Variants in NOX4 observed in about 807,000 individuals in gnomAD.
NOX4 encodes NADPH oxidase 4.
Under a neutral mutation model 87.6 loss-of-function variants are expected in NOX4, and 69 were observed. That is an observed-to-expected ratio of 0.79 (90% CI 0.65 to 0.96). NOX4 has a LOEUF of 0.96. NOX4 is among the 40% of genes least tolerant of loss of function. The probability of loss-of-function intolerance (pLI) is 0.00; values close to 1 mark genes in which losing one functional copy is unlikely to be tolerated. For missense variants in NOX4, 680 were observed against 681.5 expected (o/e 1.00, Z 0.02); for synonymous variants, 275 against 238.2 (o/e 1.15, Z -1.42).
At chr11:89,528,312 T>C in the NOX4 span, among the ~76,000 whole-genome samples, 1 of 152,154 alleles carries the variant, frequency 6.6e-6, no homozygotes, top group African/African-American at 2.4e-5. Context: ...GACTTTGGAC[T>C]TGGACTTTTA....
At chr11:89,450,637 A>G (rs1944916560) in intron 3 of NOX4, among the ~76,000 whole-genome samples, 1 of 151,894 alleles carries the variant, frequency 6.6e-6, no homozygotes, top group South Asian at 2.1e-4. Flanking sequence ...TTAGTTACAT[A>G]TGTATACATG....
At chr11:89,431,705 G>A (rs1943792615) in intron 7 of NOX4, among the ~76,000 whole-genome samples, 2 of 152,124 alleles carry the variant, frequency 1.3e-5, no homozygotes, top group East Asian at 1.9e-4. Flanking sequence ...GAAACAACAG[G>A]TGCTGGAGAG....
At chr11:89,465,504 T>C (rs1945646143) in intron 2 of NOX4, among the ~76,000 whole-genome samples, 1 of 152,162 alleles carries the variant, frequency 6.6e-6, no homozygotes, top group African/African-American at 2.4e-5. Context: ...CCTAGTAATG[T>C]GATTGCTGGG....
At chr11:89,357,178 A>T (rs1414034581) in intron 12 of NOX4, among the ~76,000 whole-genome samples, 2 of 151,994 alleles carry the variant, frequency 1.3e-5, no homozygotes, top group Non-Finnish European at 2.9e-5. Flanking sequence ...ATATTTATTA[A>T]AACATACTGA....
chr11:89,394,206 C>A (rs537433928), intron 11 of NOX4, among the ~76,000 whole-genome samples: 1 of 152,122 alleles, frequency 6.6e-6, no homozygotes, highest in Non-Finnish European at 1.5e-5. Context: ...GTGAAAAATT[C>A]TTTGATACAC....
At chr11:89,412,373 C>T (rs1227713956) in intron 8 of NOX4, among the ~76,000 whole-genome samples, 1 of 152,096 alleles carries the variant, frequency 6.6e-6, no homozygotes, top group Admixed American at 6.6e-5. Flanking sequence ...ACAGATTCTT[C>T]TCCTCAGCAC....
chr11:89,405,080 T>TTGTGTGTGTGCGTGTGTG (rs1942093134), intron 8 of NOX4, among the ~76,000 whole-genome samples: 2 of 133,192 alleles, frequency 1.5e-5, no homozygotes, highest in East Asian at 4.9e-4. Flanking sequence ...AAAAGTCAGA[T>TTGTGTGTGTGCGTGTGTG]TGTGTGTGTG....
the NOX4 span, among the ~76,000 whole-genome samples, chr11:89,542,402 C>T: frequency 6.6e-6 from 1 of 152,180 alleles, no homozygotes; most frequent in African/African-American, 2.4e-5. Flanking sequence ...TTTACTATAA[C>T]CTACTTAGAA....
intron 7 of NOX4, among the ~76,000 whole-genome samples, chr11:89,423,019 C>A (rs1441311357): frequency 6.6e-6 from 1 of 151,868 alleles, no homozygotes; most frequent in African/African-American, 2.4e-5. Flanking sequence ...AGGCTGGTCT[C>A]GAACTCCTGA....
At chr11:89,442,329 A>G (rs1344233648) in intron 5 of NOX4, among the ~76,000 whole-genome samples, 1 of 152,056 alleles carries the variant, frequency 6.6e-6, no homozygotes, top group East Asian at 1.9e-4. Flanking sequence ...AGACTTTTTA[A>G]AAAGGAATTT....
chr11:89,563,067 T>C, the NOX4 span, among the ~76,000 whole-genome samples: 2 of 152,174 alleles, frequency 1.3e-5, no homozygotes, highest in Admixed American at 6.5e-5. Context: ...GCCATGATTG[T>C]AAGTTTCCTG....
chr11:89,467,349 CAAAAAA>C (rs71052233), intron 2 of NOX4, among the ~76,000 whole-genome samples: 10 of 61,460 alleles, frequency 1.6e-4, no homozygotes, highest in South Asian at 1.6e-3. Context: ...AAACTCGTCA[CAAAAAA>C]AAAAAAAAAA....
the NOX4 span, among the ~76,000 whole-genome samples, chr11:89,585,704 CT>C: frequency 6.6e-6 from 1 of 152,192 alleles, no homozygotes; most frequent in East Asian, 1.9e-4. Flanking sequence ...TCCCGTATGC[CT>C]TGTTTCACAA....
In NOX4 at chr11:89,398,987, G is replaced by A. The variant is rs970932834; in HGVS notation, c.1074+1030C>T. On this transcript the variant is annotated intron_variant, in intron 11 of 17. Coordinates refer to ENST00000263317, the MANE Select transcript of NOX4 (RefSeq NM_016931.5). The stretch of plus-strand genomic sequence containing the variant: ...AAACTCATGTATGCAGAAGCATATG[G>A]GAAAATATCTGGAAAGACATATGTC... 3.3e-5 allele frequency among the ~76,000 whole-genome samples: 5 copies of A among 152,054 alleles called. No homozygotes were observed. The East Asian group carries it at 7.8e-4, about 24-fold the overall frequency.
intron 2 of NOX4, among the ~76,000 whole-genome samples, chr11:89,461,426 T>C (rs186697521): frequency 0.045 from 6,782 of 151,860 alleles, 458 homozygotes; most frequent in African/African-American, 0.15. Flanking sequence ...TGGCGGATCA[T>C]GAGGTCAGGA....
At chr11:89,426,047 G>A (rs1267907946) in intron 7 of NOX4, among the ~76,000 whole-genome samples, 1 of 152,116 alleles carries the variant, frequency 6.6e-6, no homozygotes, top group Non-Finnish European at 1.5e-5. Context: ...GAAAGGACAT[G>A]TGAAAGTGCT....
chr11:89,397,428 C>T (rs117565693), intron 11 of NOX4, among the ~76,000 whole-genome samples: 2,900 of 151,972 alleles, frequency 0.019, 84 homozygotes, highest in East Asian at 0.14. Context: ...CAAGAGCAAA[C>T]GAATACAAAA....
rs71052233 is a variant in NOX4, at chr11:89,467,349, CAAAAAAA to C, written c.154-15461_154-15455del. Among the ~76,000 whole-genome samples, 31 of 61,462 alleles carry C rather than the reference CAAAAAAA, an allele frequency of 5.0e-4. 1 individual carries two copies. Among genetic ancestry groups the C allele is most frequent in the South Asian group, 1.6e-3 (2 of 1,258 alleles). 40.3% of individuals were successfully genotyped at this position (61,462 alleles called of 152,430 possible). On this transcript the variant is annotated intron_variant, in intron 2 of 17. Transcript: ENST00000263317. ...CTGGGCGACAGAGCCAAACTCGTCA[CAAAAAAA>C]AAAAAAAAAAAAAAAAAAAAATTTG...
chr11:89,462,029 A>C (rs1945493087), intron 2 of NOX4, among the ~76,000 whole-genome samples: 1 of 152,068 alleles, frequency 6.6e-6, no homozygotes, highest in Non-Finnish European at 1.5e-5. Context: ...AAAGGAAGCA[A>C]GGGAGGGTAA....
Sources: allele counts gnomAD v4.1 joint callset (sites outside exome capture counted in the v4.1 genomes callset), GRCh38; gene constraint gnomAD v4.1.1; transcripts MANE v1.5; gene names NCBI Gene and HGNC (gene_info 2026-07-23, HGNC 2026-07-21).